POGZ: variants seen among roughly 807,000 people sequenced by gnomAD.
The protein encoded by POGZ is pogo transposable element with ZNF domain.
In POGZ, 17 loss-of-function variants were observed where a neutral mutation model predicts 134.6. The ratio of observed to expected loss-of-function variants is 0.13; its 90% CI spans 0.09 to 0.19. The LOEUF (loss-of-function observed/expected upper bound fraction) is 0.19, where lower values mean the gene tolerates loss of function less well. POGZ is among the 10% of genes least tolerant of loss of function. The pLI is 1.00. For synonymous variants in POGZ, 693 were observed against 657.1 expected (o/e 1.05, Z -0.84); for missense variants, 1,306 against 1,769.7 (o/e 0.74, Z 4.70).
chr1:151,433,107 T>C (rs1242282573), intron 3 of POGZ, among the ~76,000 whole-genome samples: 1 of 152,206 alleles, frequency 6.6e-6, no homozygotes, highest in Non-Finnish European at 1.5e-5. Flanking sequence ...AGATAATTAC[T>C]AGCTCAACAT....
Position 151,427,869 on chromosome 1 carries a change from A to T in POGZ, c.1032T>A (p.Ser344=), listed in dbSNP as rs1210758398. 5 of 1,614,102 alleles carry T rather than the reference A, an allele frequency of 3.1e-6. No homozygotes were observed. In the East Asian group the frequency reaches 8.9e-5, roughly 29 times the overall value. Residue 344 remains serine, a synonymous_variant, in exon 7 of 19, where the codon TCT becomes TCA. Transcript: ENST00000271715. ...PGPVVVSNNS[S]AHGSQRTSGP... The stretch of plus-strand genomic sequence containing the variant: ...CGCTGGTTCTTTGAGAGCCATGAGC[A>T]GAGCTGTTGTTGGACACCACCACTG...
Position 151,449,629 on chromosome 1 carries a change from G to A in POGZ, c.-1-7424C>T, listed in dbSNP as rs954834829. Among the ~76,000 whole-genome samples the A allele has an allele frequency of 1.6e-4, 24 of 152,182 alleles. 1 individual carries two copies. Among genetic ancestry groups the A allele is most frequent in the African/African-American group, 5.8e-4 (24 of 41,442 alleles). ...TTGTCCTCTCAGGCCAGGCACAGTG[G>A]CTCACGCCTGTAATCCCAGCACTTT... On this transcript the variant is annotated intron_variant, in intron 1 of 18. Transcript: ENST00000271715.
Position 151,404,412 on chromosome 1 carries a change from C to T in POGZ, c.*390G>A. 1.0e-6 allele frequency: 1 copy of T among 994,588 alleles called. No individual in the cohort carries two copies. The highest frequency in any genetic ancestry group is 4.5e-5 in the South Asian group (1 of 22,230). 61.6% of individuals were successfully genotyped at this position (994,588 alleles called of 1,614,324 possible). A position where few individuals can be genotyped will look rare whatever the true frequency, so the allele number is the denominator to read the frequency against. On this transcript the variant is annotated 3_prime_UTR_variant, in exon 19 of 19. Coordinates refer to ENST00000271715, the MANE Select transcript of POGZ (RefSeq NM_015100.4). ...ACACAATAAAACAAACAAAAAAACC[C>T]AGTACTATGATACAATTGAGGTAAA...
Position 151,428,187 on chromosome 1 carries a change from G to A in POGZ, c.795C>T (p.Thr265=). Residue 265 remains threonine (T), a synonymous_variant, in exon 6 of 19, where the codon ACC becomes ACT. Coordinates refer to ENST00000271715, the MANE Select transcript of POGZ (RefSeq NM_015100.4). Reference sequence around the variant, plus strand: ...ACTGAACAGCTAGTTGCCCCAGTGAGGTTGGCTGTGTGGCAGTGGGAGTGG... The same window carrying A: ...ACTGAACAGCTAGTTGCCCCAGTGAAGTTGGCTGTGTGGCAGTGGGAGTGG... ...TSTTPTATQP[T]SLGQLAVQSP... The A allele has an allele frequency of 6.2e-7, 1 of 1,614,206 alleles. No homozygotes were observed. The highest frequency in any genetic ancestry group is 8.5e-7 in the Non-Finnish European group (1 of 1,180,030).
chr1:151,441,105 A>G lies in POGZ; in HGVS notation c.125-19T>C. 1.2e-6 allele frequency: 2 copies of G among 1,608,648 alleles called. No individual in the cohort carries two copies. The highest frequency in any genetic ancestry group is 1.1e-5 in the South Asian group (1 of 90,794). Reference sequence around the variant, plus strand: ...ACAGAAACTGTGGGGAAGGGGAGGCATAGTCACTTGGAGACAGGGACAGAT... The same window carrying G: ...ACAGAAACTGTGGGGAAGGGGAGGCGTAGTCACTTGGAGACAGGGACAGAT... On this transcript the variant is annotated intron_variant, in intron 2 of 18. Coordinates refer to ENST00000271715, the MANE Select transcript of POGZ (RefSeq NM_015100.4).
At chr1:151,407,081 T>C in intron 16 of POGZ, 58 bp from the exon 17 acceptor site, 1 of 1,417,682 alleles carries the variant, frequency 7.1e-7, no homozygotes, top group Admixed American at 1.8e-5. Flanking sequence ...TTGAGACCAT[T>C]AAGCTTTGAG....
At chr1:151,435,962 T>TG (rs1261534580) in intron 3 of POGZ, among the ~76,000 whole-genome samples, 1 of 150,156 alleles carries the variant, frequency 6.7e-6, no homozygotes, top group Non-Finnish European at 1.5e-5. Context: ...TCTTTTCTTT[T>TG]TTTTTTTTTT....
intron 11 of POGZ, 130 bp from the exon 12 acceptor site, chr1:151,411,901 T>A: frequency 1.4e-6 from 1 of 704,924 alleles, no homozygotes; most frequent in Non-Finnish European, 2.2e-6. Context: ...GAAATCAAAT[T>A]ATTTTCCTGA....
chr1:151,421,063 A>G (rs1001858296), intron 10 of POGZ, among the ~76,000 whole-genome samples: 6 of 150,576 alleles, frequency 4.0e-5, no homozygotes, highest in Non-Finnish European at 7.4e-5. Context: ...TTAAAAATAT[A>G]TAATATATAA....
intron 1 of POGZ, among the ~76,000 whole-genome samples, chr1:151,453,911 A>C (rs1662453695): frequency 6.6e-6 from 1 of 152,212 alleles, no homozygotes; most frequent in Non-Finnish European, 1.5e-5. Context: ...CAGCAAAAAG[A>C]ATCCTGCAGA....
chr1:151,403,068 T>C lies in POGZ; in HGVS notation c.*1734A>G. 4.3e-6 allele frequency: 1 copy of C among 232,582 alleles called. No individual in the cohort carries two copies. The highest frequency in any genetic ancestry group is 1.8e-4 in the East Asian group (1 of 5,534). The allele number at this position is 232,582 out of a possible 1,614,324, so 14.4% of individuals were successfully genotyped here. A position where few individuals can be genotyped will look rare whatever the true frequency, so the allele number is the denominator to read the frequency against. On this transcript the variant is annotated 3_prime_UTR_variant, in exon 19 of 19. Coordinates refer to ENST00000271715, the MANE Select transcript of POGZ (RefSeq NM_015100.4). ...TCCATTGTCTGTCAATAAAATGGCA[T>C]CAGGCAAAAAGCTGGGGAAGAGAAG...
intron 3 of POGZ, among the ~76,000 whole-genome samples, chr1:151,436,900 T>C (rs1287011167): frequency 1.3e-5 from 2 of 152,106 alleles, no homozygotes; most frequent in Admixed American, 6.6e-5. Flanking sequence ...ACTCTATGTT[T>C]AACTTTTCGA....
At chr1:151,434,170 C>A (rs987604580) in intron 3 of POGZ, among the ~76,000 whole-genome samples, 2 of 152,164 alleles carry the variant, frequency 1.3e-5, no homozygotes, top group Non-Finnish European at 2.9e-5. Flanking sequence ...GTTAGCTGGG[C>A]ATGGTGGCAT....
chr1:151,405,166 G>T lies in POGZ; in HGVS notation c.3869C>A (p.Thr1290Asn), dbSNP rs1384017277. The stretch of plus-strand genomic sequence containing the variant: ...AAGCAGGACATCAGAATCACATGCA[G>T]TATCTGCCATTTCCCGAGCCTGTTC... ...WKEQAREMAD[T>N]ACDSDVLLQL... Residue 1290 changes from threonine to asparagine, a missense_variant, in exon 19 of 19, where the codon ACT (threonine) becomes AAT (asparagine). Coordinates refer to ENST00000271715, the MANE Select transcript of POGZ (RefSeq NM_015100.4). This position sits in a 1 kb window ranked among gnomAD's most constrained non-coding sequence, Gnocchi z 4.9. 5 of 1,614,230 alleles carry T rather than the reference G, an allele frequency of 3.1e-6. No individual in the cohort carries two copies. The highest frequency in any genetic ancestry group is 1.3e-5 in the African/African-American group (1 of 75,054).
intron 12 of POGZ, among the ~76,000 whole-genome samples, chr1:151,410,548 G>C (rs981213277): frequency 2.6e-5 from 4 of 152,188 alleles, no homozygotes; most frequent in African/African-American, 9.7e-5. Flanking sequence ...TTGCTTTATA[G>C]ATAAGGGACT....
At position 151,441,708 on chromosome 1, in the gene POGZ, TAAAAC is replaced by T. The variant is rs1402242125; in HGVS notation, c.124+368_124+372del. On this transcript the variant is annotated intron_variant, in intron 2 of 18. Coordinates refer to ENST00000271715, the MANE Select transcript of POGZ (RefSeq NM_015100.4). ...GAAACCAAGTTCAAGTAAAACAAAA[TAAAAC>T]AAAAAAAACAAGACTATGGGAACCT... Among the ~76,000 whole-genome samples the T allele has an allele frequency of 2.6e-5, 4 of 151,872 alleles. No homozygotes were observed. The East Asian group carries it at 7.7e-4, about 29-fold the overall frequency.
intron 10 of POGZ, among the ~76,000 whole-genome samples, chr1:151,415,407 T>G (rs1289395293): frequency 6.6e-6 from 1 of 152,166 alleles, no homozygotes; most frequent in East Asian, 1.9e-4. Flanking sequence ...GGCTCACGCC[T>G]GTAATCCCAG....
intron 1 of POGZ, 46 bp from the exon 2 acceptor site, chr1:151,442,251 AT>A: frequency 6.4e-7 from 1 of 1,562,062 alleles, no homozygotes; most frequent in Non-Finnish European, 8.7e-7. Context: ...AGAATAGGAG[AT>A]ATTGCTTTAT....
chr1:151,410,453 CA>C (rs1426165281), intron 12 of POGZ, among the ~76,000 whole-genome samples: 1 of 152,136 alleles, frequency 6.6e-6, no homozygotes, highest in Non-Finnish European at 1.5e-5. Flanking sequence ...ACATTTTGAT[CA>C]CACCCTTTTC....
Sources: gnomAD v4.1 joint callset for allele counts (sites outside exome capture counted in the v4.1 genomes callset) on GRCh38, gnomAD v4.1.1 for gene constraint, Gnocchi (gnomAD v3.1) non-coding constraint, MANE v1.5 for transcripts, NCBI Gene and HGNC (gene_info 2026-07-23, HGNC 2026-07-21) for gene names.